The following LZTS1 variants were observed in gnomAD, a reference collection of about 807,000 sequenced individuals.
LZTS1 encodes the protein leucine zipper tumor suppressor 1.
Under a neutral mutation model 45.8 loss-of-function variants are expected in LZTS1, and 31 were observed. That is an observed-to-expected ratio of 0.68 (90% CI 0.51 to 0.91). The LOEUF is 0.91. LZTS1 is among the 40% of genes least tolerant of loss of function. The pLI, the probability that LZTS1 is intolerant of heterozygous loss-of-function variation, is 0.00. For missense variants in LZTS1, 821 were observed against 788.9 expected (o/e 1.04, Z -0.49); for synonymous variants, 359 against 357.3 (o/e 1.00, Z -0.05).
chr8:20,295,904 A>G (rs1454355732), intron 1 of LZTS1, among the ~76,000 whole-genome samples: 1 of 151,850 alleles, frequency 6.6e-6, no homozygotes, highest in Non-Finnish European at 1.5e-5. Context: ...GTGCTGGCAA[A>G]CCCCAGGCCT....
intron 1 of LZTS1, among the ~76,000 whole-genome samples, chr8:20,291,889 C>T (rs1314913473): frequency 2.9e-4 from 44 of 152,152 alleles, no homozygotes; most frequent in Non-Finnish European, 7.3e-5. Flanking sequence ...TCAGGATCAA[C>T]ACACAGGAAA....
chr8:20,299,794 A>G (rs1050423208), intron 1 of LZTS1, among the ~76,000 whole-genome samples: 1 of 152,200 alleles, frequency 6.6e-6, no homozygotes, highest in Admixed American at 6.5e-5. Context: ...TCTCAACTGC[A>G]AGCCTAGGAG....
intron 1 of LZTS1, among the ~76,000 whole-genome samples, chr8:20,274,942 T>C (rs915646986): frequency 3.4e-5 from 5 of 147,784 alleles, no homozygotes; most frequent in South Asian, 4.3e-4. Flanking sequence ...AAAACAAAGA[T>C]AGAGTGGCTG....
rs767860859 is a variant in LZTS1 at position 20,249,948 on chromosome 8, G to T, written c.1565C>A (p.Ser522Tyr). The change falls in exon 4 of 4, where the codon TCC becomes TAC. Residue 522 changes from serine (S) to tyrosine (Y), a missense_variant. Ser to Tyr is a moderately radical substitution (Grantham distance 144). Transcript: ENST00000381569. Reference sequence around the variant, plus strand: ...GAGCCGCTCATGCTGGAAGCCCGAGGACATCTGGTCATGGCCTTGCCGCTC... The same window carrying T: ...GAGCCGCTCATGCTGGAAGCCCGAGTACATCTGGTCATGGCCTTGCCGCTC... ...REERQGHDQM[S>Y]SGFQHERLVW... is the part of the protein sequence containing the mutation. 1.0e-4 allele frequency: 161 copies of T among 1,613,996 alleles called. No homozygotes were observed. The highest frequency in any genetic ancestry group is 1.3e-4 in the Non-Finnish European group (155 of 1,180,010).
At chr8:20,294,603 G>T (rs878934443) in intron 1 of LZTS1, among the ~76,000 whole-genome samples, 1 of 152,178 alleles carries the variant, frequency 6.6e-6, no homozygotes, top group Non-Finnish European at 1.5e-5. Flanking sequence ...TAGGCAAGGA[G>T]GGGGAGGCTG....
At chr8:20,273,640 T>C (rs1481213304) in intron 1 of LZTS1, among the ~76,000 whole-genome samples, 4 of 152,108 alleles carry the variant, frequency 2.6e-5, no homozygotes, top group African/African-American at 9.7e-5. Context: ...GCCCTCACCC[T>C]ACATCTGACC....
intron 1 of LZTS1, among the ~76,000 whole-genome samples, chr8:20,300,007 C>T (rs1801047907): frequency 1.3e-5 from 2 of 152,190 alleles, no homozygotes; most frequent in Admixed American, 1.3e-4. Context: ...CTAGGTCACA[C>T]CTAGAATGGT....
At chr8:20,267,265 G>C (rs1393690230) in intron 1 of LZTS1, among the ~76,000 whole-genome samples, 1 of 152,164 alleles carries the variant, frequency 6.6e-6, no homozygotes, top group Non-Finnish European at 1.5e-5. Context: ...TTTGTCCCCA[G>C]GGTGCTGAGA....
chr8:20,273,931 C>A (rs1035405800), intron 1 of LZTS1, among the ~76,000 whole-genome samples: 2 of 152,066 alleles, frequency 1.3e-5, no homozygotes, highest in Non-Finnish European at 2.9e-5. Context: ...CTCCCCTCCC[C>A]AGGCCTGCCC....
intron 1 of LZTS1, among the ~76,000 whole-genome samples, chr8:20,271,947 C>T (rs532546371): frequency 2.6e-4 from 39 of 152,314 alleles, no homozygotes; most frequent in Middle Eastern, 6.8e-3. Context: ...GTATATGTGT[C>T]AGCACAGGCT....
chr8:20,253,957 C>T (rs753430586), intron 2 of LZTS1, among the ~76,000 whole-genome samples: 3 of 152,198 alleles, frequency 2.0e-5, no homozygotes, highest in Non-Finnish European at 4.4e-5. Flanking sequence ...TCCATCCCTT[C>T]TTCCTGTTCA....
In LZTS1 at chr8:20,249,592, G is replaced by A. The variant is rs1347775358; in HGVS notation, c.*130C>T. 9.4e-6 allele frequency: 11 copies of A among 1,169,250 alleles called. No individual in the cohort carries two copies. Among genetic ancestry groups the A allele is most frequent in the South Asian group, 4.6e-5 (3 of 64,558 alleles). The allele number at this position is 1,169,250 out of a possible 1,614,324, so 72.4% of individuals were successfully genotyped here. A position where few individuals can be genotyped will look rare whatever the true frequency, so the allele number is the denominator to read the frequency against. On this transcript the variant is annotated 3_prime_UTR_variant, in exon 4 of 4. Transcript: ENST00000381569. Reference sequence around the variant, plus strand: ...GGAAAGGCCATCCTGCCCTCCCCTCGGGGGTCCTGGGTCTGTGTCCCAGGG... The same window carrying A: ...GGAAAGGCCATCCTGCCCTCCCCTCAGGGGTCCTGGGTCTGTGTCCCAGGG...
chr8:20,279,064 A>C (rs182968380), intron 1 of LZTS1, among the ~76,000 whole-genome samples: 129 of 152,330 alleles, frequency 8.5e-4, no homozygotes, highest in Non-Finnish European at 1.3e-3. Flanking sequence ...AATCTCTTTC[A>C]CAAAACTTCT....
In LZTS1 at chr8:20,247,536, C is replaced by G. The variant is rs1799768449; in HGVS notation, c.*2186G>C. 1 of 152,804 alleles carries G rather than the reference C, an allele frequency of 6.5e-6. No homozygotes were observed. Among genetic ancestry groups the G allele is most frequent in the Non-Finnish European group, 1.5e-5 (1 of 68,144 alleles). 9.5% of individuals were successfully genotyped at this position (152,804 alleles called of 1,614,324 possible). The stretch of plus-strand genomic sequence containing the variant: ...TGTGCCCAATGGAGGGTACTGCCCT[C>G]AGGCAGGGAGGGACTTTTGGCTTGT... On this transcript the variant is annotated 3_prime_UTR_variant, in exon 4 of 4. Transcript: ENST00000381569.
At chr8:20,269,611 G>A (rs555779956) in intron 1 of LZTS1, among the ~76,000 whole-genome samples, 1 of 152,326 alleles carries the variant, frequency 6.6e-6, no homozygotes, top group South Asian at 2.1e-4. Context: ...TTCAGGTTCA[G>A]TACGGAAGAA....
intron 1 of LZTS1, among the ~76,000 whole-genome samples, chr8:20,301,296 C>A (rs1386057733): frequency 6.6e-6 from 1 of 152,078 alleles, no homozygotes; most frequent in African/African-American, 2.4e-5. Flanking sequence ...CCCTGCCCCT[C>A]GGTTTTGTAG....
intron 1 of LZTS1, among the ~76,000 whole-genome samples, chr8:20,287,048 T>C (rs140167889): frequency 1.4e-3 from 191 of 140,282 alleles, no homozygotes; most frequent in African/African-American, 6.0e-3. Context: ...CTATGGTTTG[T>C]GCACACCTCT....
intron 1 of LZTS1, among the ~76,000 whole-genome samples, chr8:20,260,833 C>T (rs913604640): frequency 2.6e-5 from 4 of 152,108 alleles, no homozygotes; most frequent in African/African-American, 9.7e-5. Context: ...TCCCTTAGCC[C>T]CGATACCCAG....
rs1446131678 is a variant in LZTS1, at chr8:20,250,019, A to G, written c.1494T>C (p.Pro498=). The change falls in exon 4 of 4, where the codon CCT becomes CCC. Residue 498 remains proline, a synonymous_variant. Coordinates refer to ENST00000381569, the MANE Select transcript of LZTS1 (RefSeq NM_021020.5). ...GCCGCTCCAGCTCCCGCTGCAGGGC[A>G]GGGACGTCCTCGGGGAAGGTGGGCG... ...MGPPTFPEDV[P]ALQRELERLR... The G allele has an allele frequency of 6.2e-7, 1 of 1,611,850 alleles. No homozygotes were observed. The highest frequency in any genetic ancestry group is 8.5e-7 in the Non-Finnish European group (1 of 1,179,420).
Sources: allele counts gnomAD v4.1 joint callset (sites outside exome capture counted in the v4.1 genomes callset), GRCh38; gene constraint gnomAD v4.1.1; transcripts MANE v1.5; gene names NCBI Gene and HGNC (gene_info 2026-07-23, HGNC 2026-07-21).